Variants in ST13 observed in about 807,000 individuals in gnomAD.
ST13 encodes ST13 Hsp70 interacting protein.
In ST13, 23 loss-of-function variants were observed where a neutral mutation model predicts 56.7. The observed-to-expected ratio is 0.41, with a 90% CI of 0.29 to 0.57. ST13 has a LOEUF of 0.57. ST13 is among the 20% of genes least tolerant of loss of function. The pLI is 0.36. For missense variants in ST13, 369 were observed against 459.9 expected (o/e 0.80, Z 1.81); for synonymous variants, 132 against 142.4 (o/e 0.93, Z 0.52).
intron 1 of ST13, among the ~76,000 whole-genome samples, chr22:40,855,011 T>C (rs1014194682): frequency 6.6e-6 from 1 of 152,164 alleles, no homozygotes; most frequent in African/African-American, 2.4e-5. Flanking sequence ...AGTTAGACAA[T>C]TGGTGGGGAG....
rs1364447416 is a variant in ST13, at chr22:40,825,789, C to T, written c.*749G>A. The T allele has an allele frequency of 6.6e-6, 1 of 152,178 alleles. No homozygotes were observed. The highest frequency in any genetic ancestry group is 1.5e-5 in the Non-Finnish European group (1 of 68,034). The allele number at this position is 152,178 out of a possible 1,614,324, so 9.4% of individuals were successfully genotyped here. On this transcript the variant is annotated 3_prime_UTR_variant, in exon 12 of 12. Transcript: ENST00000216218. ...TAAAAAGAAAAGTACTACCTTATTT[C>T]CCTTACGTGGAAATAATATGAAAAA... is the stretch of plus-strand genomic sequence containing the variant.
At chr22:40,839,609 A>C (rs946225298) in intron 5 of ST13, among the ~76,000 whole-genome samples, 2 of 151,902 alleles carry the variant, frequency 1.3e-5, no homozygotes, top group African/African-American at 2.4e-5. Flanking sequence ...TACTAAAAAT[A>C]CAAAAATTAG....
chr22:40,829,434 T>C (rs913070301), intron 10 of ST13, among the ~76,000 whole-genome samples, 192 bp downstream of exon 10: 2 of 152,208 alleles, frequency 1.3e-5, no homozygotes, highest in Admixed American at 6.6e-5. Context: ...AAAAATACGC[T>C]ATTTTTACAC....
At chr22:40,831,649 G>A (rs2057754513) in intron 8 of ST13, among the ~76,000 whole-genome samples, 1 of 152,058 alleles carries the variant, frequency 6.6e-6, no homozygotes, top group South Asian at 2.1e-4. Context: ...GAACTCTCTG[G>A]CAGTAAATAA....
At chr22:40,836,074 G>A (rs2057775870) in intron 5 of ST13, 187 bp from the exon 6 acceptor site, 2 of 514,128 alleles carry the variant, frequency 3.9e-6, no homozygotes, top group East Asian at 3.4e-5. Context: ...TGTAACTCAC[G>A]AGGTAAGACA....
intron 4 of ST13, among the ~76,000 whole-genome samples, chr22:40,842,667 A>C (rs1371978868): frequency 2.0e-5 from 3 of 152,368 alleles, no homozygotes; most frequent in East Asian, 3.8e-4. Flanking sequence ...ACAGCTGAAA[A>C]TATTCTAGAG....
chr22:40,826,987 A>G (rs2057731468), intron 11 of ST13, 109 bp downstream of exon 11: 1 of 1,240,820 alleles, frequency 8.1e-7, no homozygotes, highest in African/African-American at 1.5e-5. Flanking sequence ...GCTATTTGGT[A>G]ACTGTGATAA....
chr22:40,844,727 G>A, intron 4 of ST13, 112 bp downstream of exon 4: 3 of 851,576 alleles, frequency 3.5e-6, no homozygotes, highest in Non-Finnish European at 5.5e-6. Context: ...CCTGAAGTCA[G>A]AGAAAGATTT....
At chr22:40,841,712 C>G (rs2057805303) in intron 4 of ST13, among the ~76,000 whole-genome samples, 1 of 152,034 alleles carries the variant, frequency 6.6e-6, no homozygotes, top group South Asian at 2.1e-4. Flanking sequence ...GCTCAGCCTC[C>G]CCTCAAGTGT....
At chr22:40,841,837 C>T (rs1416710613) in intron 4 of ST13, among the ~76,000 whole-genome samples, 3 of 151,888 alleles carry the variant, frequency 2.0e-5, no homozygotes, top group Non-Finnish European at 4.4e-5. Flanking sequence ...AAGTGAGTTG[C>T]CTGCCTCACT....
rs142333552 is a variant in ST13, at chr22:40,844,163, G to A, written c.315+676C>T. Among the ~76,000 whole-genome samples, 1,302 of 152,170 alleles carry A rather than the reference G, an allele frequency of 8.6e-3. 19 individuals are homozygous for A. Among genetic ancestry groups the A allele is most frequent in the African/African-American group, 0.03 (1,252 of 41,492 alleles). On this transcript the variant is annotated intron_variant, in intron 4 of 11. Transcript: ENST00000216218. ...CTCCCAAAGTGCTGGGATTACAGGC[G>A]TGAGCCACCCTGTCTGGCCAGGAAA...
Position 40,844,647 on chromosome 22 carries a change from A to G in ST13, c.315+192T>C, listed in dbSNP as rs78115184. 8.9e-3 allele frequency among the ~76,000 whole-genome samples: 1,358 copies of G among 152,374 alleles called. 11 individuals are homozygous for G. Among genetic ancestry groups the G allele is most frequent in the Non-Finnish European group, 0.015 (989 of 68,040 alleles). ...CCAGATGCAAACTTAAAAAACAGAT[A>G]AAACAGAAAGTAACAGTATTTATTT... On this transcript the variant is annotated intron_variant, in intron 4 of 11. Transcript: ENST00000216218.
At chr22:40,850,763 A>C in intron 2 of ST13, 60 bp downstream of exon 2, 3 of 1,329,146 alleles carry the variant, frequency 2.3e-6, no homozygotes, top group Non-Finnish European at 3.2e-6. Context: ...GTTTAAAAAC[A>C]ACCCCTAAGA....
At chr22:40,835,065 C>A (rs557483106) in intron 7 of ST13, among the ~76,000 whole-genome samples, 2 of 152,244 alleles carry the variant, frequency 1.3e-5, no homozygotes, top group South Asian at 2.1e-4. Context: ...CTCTTTATGC[C>A]CCCCCGCCTT....
chr22:40,826,486 G>A lies in ST13; in HGVS notation c.*52C>T. ...GTTTGTATTATTGCGACATCCATAA[G>A]GTGATCTAGGTTGCTTTTCCTTCAG... On this transcript the variant is annotated 3_prime_UTR_variant, in exon 12 of 12. Coordinates refer to ENST00000216218, the MANE Select transcript of ST13 (RefSeq NM_003932.5). 2 of 1,583,370 alleles carry A rather than the reference G, an allele frequency of 1.3e-6. No homozygotes were observed. The highest frequency in any genetic ancestry group is 1.3e-5 in the African/African-American group (1 of 74,482).
chr22:40,837,769 G>C (rs2057784850), intron 5 of ST13, among the ~76,000 whole-genome samples: 1 of 152,138 alleles, frequency 6.6e-6, no homozygotes, highest in South Asian at 2.1e-4. Context: ...TCCCATCTCA[G>C]CCTCTCAAGT....
chr22:40,852,819 TCAC>T (rs761443041), intron 1 of ST13, among the ~76,000 whole-genome samples: 1 of 152,218 alleles, frequency 6.6e-6, no homozygotes, highest in Non-Finnish European at 1.5e-5. Flanking sequence ...AGCACAGTAA[TCAC>T]CAGTCCTTTG....
At chr22:40,836,980 T>C (rs976640467) in intron 5 of ST13, among the ~76,000 whole-genome samples, 2 of 152,160 alleles carry the variant, frequency 1.3e-5, no homozygotes, top group African/African-American at 4.8e-5. Flanking sequence ...TAAACCTGGC[T>C]AATTAAAAAA....
At chr22:40,828,377 G>C (rs1382267191) in intron 10 of ST13, among the ~76,000 whole-genome samples, 1 of 151,962 alleles carries the variant, frequency 6.6e-6, no homozygotes, top group African/African-American at 2.4e-5. Context: ...GGCCGAGGCG[G>C]GCAGATCACG....
Sources: allele counts gnomAD v4.1 joint callset (sites outside exome capture counted in the v4.1 genomes callset), GRCh38; gene constraint gnomAD v4.1.1; transcripts MANE v1.5; gene names NCBI Gene and HGNC (gene_info 2026-07-23, HGNC 2026-07-21).